TMEM239: variants seen among roughly 807,000 people sequenced by gnomAD.
TMEM239 encodes the protein transmembrane protein 239.
In TMEM239, 10 loss-of-function variants were observed where a neutral mutation model predicts 14.6. That is an observed-to-expected ratio of 0.68 (90% CI 0.42 to 1.16). The LOEUF (loss-of-function observed/expected upper bound fraction) is 1.16. Among genes scored for constraint, TMEM239 ranks in the 50% most tolerant of loss-of-function variants. The pLI is 0.00. For synonymous variants in TMEM239, 94 were observed against 89.9 expected, an observed-to-expected ratio of 1.05 and a Z score of -0.26; for missense variants, 183 against 194.4, an observed-to-expected ratio of 0.94 and a Z score of 0.35.
chr20:2,816,677 GC>G lies in TMEM239; in HGVS notation c.128del (p.Pro43ArgfsTer33). 1 of 1,543,326 alleles carries G rather than the reference GC, an allele frequency of 6.5e-7. No homozygotes were observed. On this transcript the variant is annotated frameshift_variant, in exon 2 of 2. Transcript: ENST00000380585. LOFTEE classifies it high-confidence loss of function. ...GWVRWWVSHM[P>X]PSWIQWWSTS... is the part of the protein sequence containing the mutation. ...GGGTGCGCTGGTGGGTGAGCCACAT[GC>G]CCCCGAGCTGGATCCAGTGGTGGAG...
chr20:2,815,918 T>C (rs2088663586), upstream of TMEM239: 8 of 712,796 alleles, frequency 1.1e-5, no homozygotes, highest in Non-Finnish European at 1.7e-5. Flanking sequence ...ATAATATAGG[T>C]ATCAGATACC....
chr20:2,818,732 T>C (rs2088701394), downstream of TMEM239: 1 of 152,286 alleles, frequency 6.6e-6, no homozygotes, highest in Non-Finnish European at 1.5e-5. Flanking sequence ...ACTAACTCCA[T>C]GCCCTTAGTG....
upstream of TMEM239, chr20:2,815,856 C>A: frequency 3.2e-6 from 4 of 1,255,232 alleles, no homozygotes; most frequent in Non-Finnish European, 4.5e-6. Context: ...TCCTTCCTGG[C>A]TGGGCAGGTG....
In TMEM239 at chr20:2,817,229, G is replaced by C. The variant is rs566505706; in HGVS notation, c.*216G>C. On this transcript the variant is annotated 3_prime_UTR_variant, in exon 2 of 2. Coordinates refer to ENST00000380585, the MANE Select transcript of TMEM239 (RefSeq NM_001167670.3). ...GGGGCTGGGGGCTTTGAGAAGAGGGGGCAAGACAGATGGCTTAGCCATTGG... is the reference window on the plus strand; with the variant it reads ...GGGGCTGGGGGCTTTGAGAAGAGGGCGCAAGACAGATGGCTTAGCCATTGG... The C allele has an allele frequency of 1.5e-6, 1 of 647,174 alleles. No homozygotes were observed. The highest frequency in any genetic ancestry group is 1.8e-5 in the African/African-American group (1 of 54,752). The allele number at this position is 647,174 out of a possible 1,614,324, so 40.1% of individuals were successfully genotyped here.
In TMEM239 at chr20:2,817,075, C is replaced by G. The variant is rs1300031287; in HGVS notation, c.*62C>G. On this transcript the variant is annotated 3_prime_UTR_variant, in exon 2 of 2. Coordinates refer to ENST00000380585, the MANE Select transcript of TMEM239 (RefSeq NM_001167670.3). ...CCCTGGCCTAGGGCCTGAGACCCCA[C>G]GGGGAGAGGGAGGGCAATGGGATCA... 6.6e-7 allele frequency: 1 copy of G among 1,523,754 alleles called. No individual in the cohort carries two copies. The highest frequency in any genetic ancestry group is 1.4e-5 in the African/African-American group (1 of 72,754). 94.4% of individuals were successfully genotyped at this position (1,523,754 alleles called of 1,614,324 possible). A position where few individuals can be genotyped will look rare whatever the true frequency, so the allele number is the denominator to read the frequency against.
Position 2,816,495 on chromosome 20 carries a change from C to A in TMEM239, c.-11-49C>A, listed in dbSNP as rs760942106. On this transcript the variant is annotated intron_variant, in intron 1 of 1. Coordinates refer to ENST00000380585, the MANE Select transcript of TMEM239 (RefSeq NM_001167670.3). ...TGACCCCTGCACCCCCTCTCTGCCC[C>A]CCCCCCCCAAGGTCCCAGGCATCTT... 371 of 1,520,226 alleles carry A rather than the reference C, an allele frequency of 2.4e-4. 4 individuals are homozygous for A. The South Asian group carries it at 4.0e-3, about 17-fold the overall frequency. 94.2% of individuals were successfully genotyped at this position (1,520,226 alleles called of 1,614,324 possible). A position where few individuals can be genotyped will look rare whatever the true frequency, so the allele number is the denominator to read the frequency against.
chr20:2,815,794 C>A, upstream of TMEM239: 1 of 1,586,136 alleles, frequency 6.3e-7, no homozygotes, highest in Non-Finnish European at 8.6e-7. Flanking sequence ...CCCCACAACT[C>A]AGTGTCCTTC....
At position 2,816,604 on chromosome 20, in the gene TMEM239, G is replaced by A; in HGVS notation, c.50G>A (p.Gly17Glu). The change falls in exon 2 of 2, where the codon GGG (glycine) becomes GAG (glutamate). Residue 17 changes from glycine to glutamate, a missense_variant. By Grantham distance (98) the Gly-to-Glu change is moderately conservative. Coordinates refer to ENST00000380585, the MANE Select transcript of TMEM239 (RefSeq NM_001167670.3). ...ACAGATACCATCGGGGCTGGCGAGG[G>A]GCCACAGCAGGCAGTGCCCTGGTCA... ...VETDTIGAGEGPQQAVPWSAW... is the reference protein window; with the variant it reads ...VETDTIGAGEEPQQAVPWSAW... The A allele has an allele frequency of 2.0e-6, 3 of 1,537,994 alleles. No homozygotes were observed. Among genetic ancestry groups the A allele is most frequent in the Non-Finnish European group, 2.6e-6 (3 of 1,146,876 alleles).
downstream of TMEM239, chr20:2,818,369 T>A (rs2146583647): frequency 6.6e-6 from 1 of 152,480 alleles, no homozygotes; most frequent in South Asian, 2.1e-4. Flanking sequence ...CCCCAACTCC[T>A]GCCCAGTTCT....
Position 2,817,304 on chromosome 20 carries a change from C to A in TMEM239, c.*291C>A. On this transcript the variant is annotated 3_prime_UTR_variant, in exon 2 of 2. Coordinates refer to ENST00000380585, the MANE Select transcript of TMEM239 (RefSeq NM_001167670.3). Reference sequence around the variant, plus strand: ...AGCTTGACCAAGCCACTGATAGCGCCCATATGGATGTGATGATACCCGTGG... The same window carrying A: ...AGCTTGACCAAGCCACTGATAGCGCACATATGGATGTGATGATACCCGTGG... 1.7e-6 allele frequency: 1 copy of A among 574,290 alleles called. No homozygotes were observed. The highest frequency in any genetic ancestry group is 3.1e-6 in the Non-Finnish European group (1 of 324,542). The allele number at this position is 574,290 out of a possible 1,614,324, so 35.6% of individuals were successfully genotyped here.
upstream of TMEM239, chr20:2,815,861 C>A: frequency 3.4e-6 from 4 of 1,181,186 alleles, no homozygotes; most frequent in Middle Eastern, 2.0e-4. Flanking sequence ...CCTGGCTGGG[C>A]AGGTGGGATG....
Position 2,816,887 on chromosome 20 carries a change from G to T in TMEM239, c.333G>T (p.Val111=), listed in dbSNP as rs752620340. Residue 111 remains valine (V), a synonymous_variant, in exon 2 of 2, where the codon GTG becomes GTT. Transcript: ENST00000380585. ...RHLLPALLLL[V]LSALPALLFT... is the part of the protein sequence containing the mutation. Reference sequence around the variant, plus strand: ...TGCTACCGGCTCTCCTGCTGCTGGTGCTCAGTGCTCTGCCTGCCCTCCTCT... The same window carrying T: ...TGCTACCGGCTCTCCTGCTGCTGGTTCTCAGTGCTCTGCCTGCCCTCCTCT... 2.9e-5 allele frequency: 44 copies of T among 1,543,048 alleles called. 2 individuals are homozygous for T. The South Asian group carries it at 5.0e-4, about 18-fold the overall frequency.
upstream of TMEM239, chr20:2,815,913 A>C: frequency 1.4e-6 from 1 of 723,802 alleles, no homozygotes; most frequent in East Asian, 2.5e-5. Flanking sequence ...GTCCTATAAT[A>C]TAGGTATCAG....
chr20:2,820,284 G>C (rs1599937745), downstream of TMEM239: 1 of 152,350 alleles, frequency 6.6e-6, no homozygotes, highest in Non-Finnish European at 1.5e-5. Flanking sequence ...GGCGAAACGT[G>C]ATACCATCAA....
Position 2,816,380 on chromosome 20 carries a change from T to C in TMEM239, c.-47T>C. Reference sequence around the variant, plus strand: ...CTGCCTGCCAGGCCGTCCTGGGCGCTGCAGGAAGCAACATGACTTAGGTAA... The same window carrying C: ...CTGCCTGCCAGGCCGTCCTGGGCGCCGCAGGAAGCAACATGACTTAGGTAA... On this transcript the variant is annotated 5_prime_UTR_variant, in exon 1 of 2. Coordinates refer to ENST00000380585, the MANE Select transcript of TMEM239 (RefSeq NM_001167670.3). 1 of 1,535,908 alleles carries C rather than the reference T, an allele frequency of 6.5e-7. No individual in the cohort carries two copies. Among genetic ancestry groups the C allele is most frequent in the Non-Finnish European group, 8.7e-7 (1 of 1,146,836 alleles).
chr20:2,816,603 G>A lies in TMEM239; in HGVS notation c.49G>A (p.Gly17Arg), dbSNP rs2088675509. Residue 17 changes from glycine (G) to arginine (R), a missense_variant, in exon 2 of 2, where the codon GGG becomes AGG. Coordinates refer to ENST00000380585, the MANE Select transcript of TMEM239 (RefSeq NM_001167670.3). ...VETDTIGAGE[G>R]PQQAVPWSAW... ...GACAGATACCATCGGGGCTGGCGAG[G>A]GGCCACAGCAGGCAGTGCCCTGGTC... The A allele has an allele frequency of 3.3e-6, 5 of 1,537,832 alleles. No individual in the cohort carries two copies. The highest frequency in any genetic ancestry group is 1.4e-5 in the African/African-American group (1 of 73,004).
At position 2,816,585 on chromosome 20, in the gene TMEM239, A is replaced by G. The variant is rs1175846966; in HGVS notation, c.31A>G (p.Thr11Ala). 6 of 1,535,060 alleles carry G rather than the reference A, an allele frequency of 3.9e-6. No individual in the cohort carries two copies. Among genetic ancestry groups the G allele is most frequent in the Admixed American group, 3.9e-5 (2 of 50,758 alleles). Residue 11 changes from threonine (T) to alanine (A), a missense_variant, in exon 2 of 2, where the codon ACC (threonine) becomes GCC (alanine). Thr to Ala is a moderately conservative substitution (Grantham distance 58, BLOSUM62 0). Coordinates refer to ENST00000380585, the MANE Select transcript of TMEM239 (RefSeq NM_001167670.3). ...GCAGCAGCCGCGAGTGGAGACAGAT[A>G]CCATCGGGGCTGGCGAGGGGCCACA... is the stretch of plus-strand genomic sequence containing the variant. MMQQPRVETD[T>A]IGAGEGPQQA...
Position 2,816,800 on chromosome 20 carries a change from C to T in TMEM239, c.246C>T (p.Phe82=), listed in dbSNP as rs893135570. ...LLALMLCHAL[F]TTGSHLLSSL... ...CACTGATGTTGTGCCATGCACTCTT[C>T]ACCACTGGCTCCCACCTGCTGAGCT... Residue 82 remains phenylalanine (F), a synonymous_variant, in exon 2 of 2, where the codon TTC becomes TTT. Coordinates refer to ENST00000380585, the MANE Select transcript of TMEM239 (RefSeq NM_001167670.3). 1.9e-6 allele frequency: 3 copies of T among 1,551,108 alleles called. No individual in the cohort carries two copies. The highest frequency in any genetic ancestry group is 2.6e-6 in the Non-Finnish European group (3 of 1,146,998).
chr20:2,815,925 TA>T, upstream of TMEM239: 1 of 699,994 alleles, frequency 1.4e-6, no homozygotes. Flanking sequence ...AGGTATCAGA[TA>T]CCTGGATCTG....
Sources: gnomAD v4.1 joint callset for allele counts on GRCh38, gnomAD v4.1.1 for gene constraint, MANE v1.5 for transcripts, NCBI Gene and HGNC (gene_info 2026-07-23, HGNC 2026-07-21) for gene names.